Variants in TPP1 observed in about 807,000 individuals in gnomAD.
TPP1 encodes tripeptidyl peptidase 1, also known as tripeptidyl-peptidase 1.
In TPP1, 43 loss-of-function variants were observed where a neutral mutation model predicts 67.6. The ratio of observed to expected loss-of-function variants is 0.64; its 90% CI spans 0.50 to 0.82. The LOEUF (loss-of-function observed/expected upper bound fraction) is 0.82. TPP1 is among the 40% of genes least tolerant of loss of function. The probability of loss-of-function intolerance (pLI) is 0.00; values close to 1 mark genes in which losing one functional copy is unlikely to be tolerated. For missense variants in TPP1, 671 were observed against 710.9 expected (o/e 0.94, Z 0.64); for synonymous variants, 272 against 281.5 (o/e 0.97, Z 0.34).
chr11:6,618,608 T>A (rs1855620150), intron 3 of TPP1, 168 bp downstream of exon 3: 2 of 903,990 alleles, frequency 2.2e-6, no homozygotes, highest in Non-Finnish European at 3.4e-6. Context: ...GAATTTGAGT[T>A]CGTATTTGAT....
In TPP1 at chr11:6,618,832, A is replaced by G; in HGVS notation, c.173T>C (p.Val58Ala). 6.2e-7 allele frequency: 1 copy of G among 1,614,058 alleles called. No homozygotes were observed. The highest frequency in any genetic ancestry group is 8.5e-7 in the Non-Finnish European group (1 of 1,180,046). The change falls in exon 3 of 13, where the codon GTG becomes GCG. Residue 58 changes from valine to alanine, a missense_variant. Val to Ala is a moderately conservative substitution (Grantham distance 64). Coordinates refer to ENST00000299427, the MANE Select transcript of TPP1 (RefSeq NM_000391.4). ...CTGCACCAGCTCCGAGAGTCTTTCC[A>G]CATTCTGCTGTCTCAGGGCAAAGGT... ...SLTFALRQQNVERLSELVQAV... is the reference protein window; with the variant it reads ...SLTFALRQQNAERLSELVQAV...
chr11:6,616,133 G>C (rs755559244), intron 8 of TPP1, 59 bp from the exon 9 acceptor site: 1 of 1,606,094 alleles, frequency 6.2e-7, no homozygotes. Context: ...ATGTGGGTTC[G>C]GATGTCAGAG....
chr11:6,615,121 G>A (rs1265428623), intron 11 of TPP1, 50 bp downstream of exon 11: 1 of 1,613,926 alleles, frequency 6.2e-7, no homozygotes, highest in East Asian at 2.2e-5. Context: ...AAGGTGTTAG[G>A]GGGTAAGGGT....
Position 6,615,503 on chromosome 11 carries a change from T to C in TPP1, c.1205A>G (p.Glu402Gly), listed in dbSNP as rs1471156821. ...ACCACCACTGATATAGTCAACAATT[T>C]CATTTGTGATGAGGAAAGGTTCCTG... ...SFQEPFLITN[E>G]IVDYISGGGF... The change falls in exon 10 of 13, where the codon GAA becomes GGA. Residue 402 changes from glutamate (E) to glycine (G), a missense_variant. Physicochemically the swap from Glu to Gly is moderately conservative, Grantham distance 98. Coordinates refer to ENST00000299427, the MANE Select transcript of TPP1 (RefSeq NM_000391.4). 2 of 1,614,164 alleles carry C rather than the reference T, an allele frequency of 1.2e-6. No homozygotes were observed. Among genetic ancestry groups the C allele is most frequent in the South Asian group, 2.2e-5 (2 of 91,080 alleles).
At chr11:6,615,692 T>G (rs1564854583) in intron 9 of TPP1, 130 bp from the exon 10 acceptor site, 2 of 1,242,948 alleles carry the variant, frequency 1.6e-6, no homozygotes, top group East Asian at 4.7e-5. Flanking sequence ...TATATGGGAT[T>G]GACTAAGAGA....
rs2134598745 is a variant in TPP1, at chr11:6,619,217, G to A, written c.68C>T (p.Pro23Leu). The stretch of plus-strand genomic sequence containing the variant: ...TCACGTCCTCCGCTGGTCGGGCTCC[G>A]GGCTGTAACTGCATTTGCCAGAGAG... ...LILSGKCSYS[P>L]EPDQRRTLPP... Residue 23 changes from proline (P) to leucine (L), a missense_variant, in exon 2 of 13, where the codon CCG becomes CTG. Pro to Leu is a moderately conservative substitution (Grantham distance 98). Transcript: ENST00000299427. 3 of 1,614,166 alleles carry A rather than the reference G, an allele frequency of 1.9e-6. No individual in the cohort carries two copies. The highest frequency in any genetic ancestry group is 2.5e-6 in the Non-Finnish European group (3 of 1,180,028).
chr11:6,618,282 CAGG>C lies in TPP1; in HGVS notation c.229+491_229+493del, dbSNP rs1374139427. On this transcript the variant is annotated intron_variant, in intron 3 of 12. Transcript: ENST00000299427. ...TCCCCCTGCTGTGAAGGGCTTTAAC[CAGG>C]AGAAGGAACCAATCCATTTTGACTG... The C allele has an allele frequency of 1.5e-5, 5 of 327,120 alleles. No homozygotes were observed. The East Asian group carries it at 3.3e-4, about 22-fold the overall frequency. 20.3% of individuals were successfully genotyped at this position (327,120 alleles called of 1,614,324 possible).
chr11:6,619,369 C>G lies in TPP1; in HGVS notation c.17+15G>C, dbSNP rs1317465244. Reference sequence around the variant, plus strand: ...CAACGTGATCCCTTTCTCCCGAGCCCTCTCAATTTCTCACCAGGCTTGGAG... The same window carrying G: ...CAACGTGATCCCTTTCTCCCGAGCCGTCTCAATTTCTCACCAGGCTTGGAG... On this transcript the variant is annotated intron_variant, in intron 1 of 12. Transcript: ENST00000299427. The G allele has an allele frequency of 1.2e-6, 2 of 1,614,094 alleles. No individual in the cohort carries two copies. The highest frequency in any genetic ancestry group is 2.2e-5 in the East Asian group (1 of 44,898).
At chr11:6,615,822 C>T (rs1286112821) in intron 9 of TPP1, 183 bp downstream of exon 9, 2 of 811,062 alleles carry the variant, frequency 2.5e-6, no homozygotes, top group Non-Finnish European at 4.1e-6. Flanking sequence ...GAGCTGTATC[C>T]CACACAAGAG....
Position 6,615,100 on chromosome 11 carries a change from G to GCAAGGTGTT in TPP1, c.1425+62_1425+70dup, listed in dbSNP as rs1855557958. On this transcript the variant is annotated intron_variant, in intron 11 of 12. Transcript: ENST00000299427. ...CTCTAAGGAGTCAGGGGTTCTAGGT[G>GCAAGGTGTT]CAAGGTGTTCAAGGTGTTAGGGGGT... 4 of 1,613,720 alleles carry GCAAGGTGTT rather than the reference G, an allele frequency of 2.5e-6. No homozygotes were observed. In the Admixed American group the frequency reaches 6.7e-5, roughly 27 times the overall value.
rs1353378695 is a variant in TPP1 at position 6,613,017 on chromosome 11, T to C, written c.*1529A>G. The C allele has an allele frequency of 1.3e-5, 2 of 152,602 alleles. No individual in the cohort carries two copies. Among genetic ancestry groups the C allele is most frequent in the Non-Finnish European group, 2.9e-5 (2 of 68,044 alleles). 9.5% of individuals were successfully genotyped at this position (152,602 alleles called of 1,614,324 possible). ...TACTTCCAGGTGCCAAGCACTGTTATCAACATTATTCCACTTTATTCCCTG... is the reference window on the plus strand; with the variant it reads ...TACTTCCAGGTGCCAAGCACTGTTACCAACATTATTCCACTTTATTCCCTG... On this transcript the variant is annotated 3_prime_UTR_variant, in exon 13 of 13. Coordinates refer to ENST00000299427, the MANE Select transcript of TPP1 (RefSeq NM_000391.4).
chr11:6,619,361 C>T (rs374199969), intron 1 of TPP1, 23 bp downstream of exon 1: 43 of 1,614,102 alleles, frequency 2.7e-5, no homozygotes, highest in Admixed American at 1.0e-4. Context: ...ATCCCTTTCT[C>T]CCGAGCCCTC....
intron 3 of TPP1, 73 bp downstream of exon 3, chr11:6,618,703 G>A (rs979297157): frequency 2.3e-4 from 362 of 1,596,382 alleles, no homozygotes; most frequent in Non-Finnish European, 3.0e-4. Flanking sequence ...TGACATGATC[G>A]CCATCCCATG....
rs1364073277 is a variant in TPP1, at chr11:6,618,539, G to C, written c.229+237C>G. 4.4e-5 allele frequency: 27 copies of C among 614,934 alleles called. No individual in the cohort carries two copies. The Admixed American group carries it at 7.7e-4, about 18-fold the overall frequency. 38.1% of individuals were successfully genotyped at this position (614,934 alleles called of 1,614,324 possible). ...AAGAGGAAATTAGAATGGATTTGAG[G>C]GTAGGGGAAGGAACGTAAGTTGTAC... On this transcript the variant is annotated intron_variant, in intron 3 of 12. Transcript: ENST00000299427.
Position 6,617,338 on chromosome 11 carries a change from G to A in TPP1, c.471C>T (p.Tyr157=), listed in dbSNP as rs553522118. Residue 157 remains tyrosine (Y), a synonymous_variant, in exon 5 of 13, where the codon TAC becomes TAT. Transcript: ENST00000299427. ...GGGGGGCCAAGGCCTGTGGAAGCTG[G>A]TAGGGATGTGGGGACCTTACAACAT... ...ETHVVRSPHP[Y]QLPQALAPHV... 1 of 1,614,142 alleles carries A rather than the reference G, an allele frequency of 6.2e-7. No homozygotes were observed. The highest frequency in any genetic ancestry group is 1.7e-5 in the Admixed American group (1 of 60,026).
intron 8 of TPP1, 85 bp from the exon 9 acceptor site, chr11:6,616,159 G>GGGAAAT: frequency 6.3e-7 from 1 of 1,589,242 alleles, no homozygotes; most frequent in Non-Finnish European, 8.6e-7. Flanking sequence ...ATTTGTTACT[G>GGGAAAT]TAGGAGGTCA....
At position 6,614,903 on chromosome 11, in the gene TPP1, G is replaced by C. The variant is rs138941580; in HGVS notation, c.1514C>G (p.Pro505Arg). 6.2e-7 allele frequency: 1 copy of C among 1,613,980 alleles called. No individual in the cohort carries two copies. Among genetic ancestry groups the C allele is most frequent in the Non-Finnish European group, 8.5e-7 (1 of 1,180,042 alleles). The change falls in exon 12 of 13, where the codon CCA becomes CGA. Residue 505 changes from proline to arginine, a missense_variant. Pro to Arg is a moderately radical substitution (Grantham distance 103). Transcript: ENST00000299427. ...SGRPPLGFLNPRLYQQHGAGL... is the reference protein window; with the variant it reads ...SGRPPLGFLNRRLYQQHGAGL... ...TGCCCCATGCTGCTGGTAGAGCCTTGGGTTGAGAAAGCCAAGAGGGGGGCG... is the reference window on the plus strand; with the variant it reads ...TGCCCCATGCTGCTGGTAGAGCCTTCGGTTGAGAAAGCCAAGAGGGGGGCG...
intron 1 of TPP1, 42 bp from the exon 2 acceptor site, chr11:6,619,309 C>T (rs1855634547): frequency 1.2e-6 from 2 of 1,613,934 alleles, no homozygotes; most frequent in Admixed American, 1.7e-5. Context: ...GCTACGTTGT[C>T]CTTGTGTTCC....
chr11:6,615,946 T>C, intron 9 of TPP1, 59 bp downstream of exon 9: 1 of 1,580,636 alleles, frequency 6.3e-7, no homozygotes, highest in South Asian at 1.1e-5. Flanking sequence ...AGGTTCTACA[T>C]CATGAGATCA....
Sources: gnomAD v4.1 joint callset for allele counts on GRCh38, gnomAD v4.1.1 for gene constraint, MANE v1.5 for transcripts, NCBI Gene and HGNC (gene_info 2026-07-23, HGNC 2026-07-21) for gene names.